The following SYT1 variants were observed in gnomAD, a reference collection of about 807,000 sequenced individuals.
SYT1 encodes synaptotagmin-1.
In SYT1, 8 loss-of-function variants were observed where a neutral mutation model predicts 44.8. That is an observed-to-expected ratio of 0.18 (90% CI 0.10 to 0.32). The LOEUF is 0.32. Ranked by LOEUF, SYT1 falls within the 10% of genes least tolerant of loss-of-function variation. The probability of loss-of-function intolerance (pLI) is 1.00; values close to 1 mark genes in which losing one functional copy is unlikely to be tolerated. For synonymous variants in SYT1, 154 were observed against 188.8 expected (o/e 0.82, Z 1.51); for missense variants, 286 against 509.3 (o/e 0.56, Z 4.22).
At position 79,095,029 on chromosome 12, in the gene SYT1, G is replaced by T. The variant is rs540934047; in HGVS notation, c.-18+47667G>T. 1.8e-4 allele frequency among the ~76,000 whole-genome samples: 27 copies of T among 151,818 alleles called. 1 individual carries two copies. Among genetic ancestry groups the T allele is most frequent in the Non-Finnish European group, 3.7e-4 (25 of 67,878 alleles). ...ATATTTGTGGGTCTCTCAACCTTTT[G>T]GTAGGCCACCCATACATGAGGGCCT... On this transcript the variant is annotated intron_variant, in intron 3 of 10. Transcript: ENST00000261205.
intron 1 of SYT1, among the ~76,000 whole-genome samples, chr12:78,942,010 T>C (rs1469357919): frequency 6.6e-6 from 1 of 152,254 alleles, no homozygotes; most frequent in Non-Finnish European, 1.5e-5. Flanking sequence ...TCTGGCTTAC[T>C]ATTTTCCTTT....
At chr12:79,066,679 A>G (rs191306809) in intron 3 of SYT1, among the ~76,000 whole-genome samples, 43 of 152,264 alleles carry the variant, frequency 2.8e-4, no homozygotes, top group Non-Finnish European at 3.1e-4. Flanking sequence ...AATAAATGAA[A>G]TAATATTGGT....
chr12:78,931,378 AAGGAAGGAAGGAAGGAAGGG>A (rs1877726744), intron 1 of SYT1, among the ~76,000 whole-genome samples: 1 of 98,666 alleles, frequency 1.0e-5, no homozygotes, highest in Non-Finnish European at 2.1e-5. Flanking sequence ...GGAAGGAAGG[AAGGAAGGAAGGAAGGAAGGG>A]AGGAGAGAGG....
chr12:78,950,936 G>C (rs1878931861), intron 1 of SYT1, among the ~76,000 whole-genome samples: 1 of 152,040 alleles, frequency 6.6e-6, no homozygotes, highest in Non-Finnish European at 1.5e-5. Context: ...CAGGAATGAT[G>C]GGTTTCTATA....
rs149153260 is a variant in SYT1 at position 79,450,593 on chromosome 12, G to A, written c.*1469G>A. ...TGCTCTGTGTAACACTGTGACTGCC[G>A]TGTGTGCTTAGACCCGTAGTTTCCT... On this transcript the variant is annotated 3_prime_UTR_variant, in exon 11 of 11. Coordinates refer to ENST00000261205, the MANE Select transcript of SYT1 (RefSeq NM_005639.3). 370 of 152,686 alleles carry A rather than the reference G, an allele frequency of 2.4e-3. 1 individual carries two copies. The highest frequency in any genetic ancestry group is 2.0e-3 in the Non-Finnish European group (139 of 68,036). The allele number at this position is 152,686 out of a possible 1,614,324, so 9.5% of individuals were successfully genotyped here.
chr12:79,137,058 A>AT lies in SYT1; in HGVS notation c.-17-80444dup, dbSNP rs534128917. On this transcript the variant is annotated intron_variant, in intron 3 of 10. Coordinates refer to ENST00000261205, the MANE Select transcript of SYT1 (RefSeq NM_005639.3). Reference sequence around the variant, plus strand: ...AGTTAGGTCTAACATTTATTATTCAATAAATTGATATGTTCCAAATACTAT... The same window carrying AT: ...AGTTAGGTCTAACATTTATTATTCAATTAAATTGATATGTTCCAAATACTAT... Among the ~76,000 whole-genome samples the AT allele has an allele frequency of 1.7e-3, 256 of 152,222 alleles. 1 individual carries two copies. The highest frequency in any genetic ancestry group is 5.5e-3 in the African/African-American group (228 of 41,528).
At chr12:79,289,312 A>G (rs1879458017) in intron 5 of SYT1, among the ~76,000 whole-genome samples, 2 of 152,156 alleles carry the variant, frequency 1.3e-5, no homozygotes, top group Non-Finnish European at 1.5e-5. Context: ...TTTTCTTCCG[A>G]ATTTTGTTCT....
intron 2 of SYT1, among the ~76,000 whole-genome samples, chr12:79,005,340 G>A (rs1871008279): frequency 1.3e-5 from 2 of 151,736 alleles, no homozygotes. Context: ...ACCCCCCATG[G>A]ATATTAAGAA....
intron 8 of SYT1, among the ~76,000 whole-genome samples, chr12:79,326,018 A>G (rs548954713): frequency 1.3e-5 from 2 of 152,204 alleles, no homozygotes; most frequent in Non-Finnish European, 1.5e-5. Context: ...TGATGGGGGG[A>G]AAATATACAA....
chr12:78,998,311 G>A (rs1191943492), intron 2 of SYT1, among the ~76,000 whole-genome samples: 1 of 152,180 alleles, frequency 6.6e-6, no homozygotes, highest in African/African-American at 2.4e-5. Flanking sequence ...GTCAGGATTT[G>A]ACATGAAACA....
At chr12:78,976,740 T>A (rs1364028137) in intron 1 of SYT1, 1 of 152,164 alleles carries the variant, frequency 6.6e-6, no homozygotes, top group Non-Finnish European at 1.5e-5. Context: ...ATTTTTTTTA[T>A]AATTTATTTA....
chr12:79,113,516 T>C (rs888838968), intron 3 of SYT1, among the ~76,000 whole-genome samples: 2 of 152,108 alleles, frequency 1.3e-5, no homozygotes, highest in Non-Finnish European at 2.9e-5. Context: ...AATTTGTGTA[T>C]TTTTTTCTTT....
intron 2 of SYT1, among the ~76,000 whole-genome samples, chr12:78,991,062 A>ATT (rs1869979451): frequency 6.6e-6 from 1 of 152,166 alleles, no homozygotes; most frequent in Non-Finnish European, 1.5e-5. Flanking sequence ...AAACAACAGC[A>ATT]TTTGTATTCT....
At chr12:78,997,728 G>A (rs1475585476) in intron 2 of SYT1, among the ~76,000 whole-genome samples, 1 of 151,700 alleles carries the variant, frequency 6.6e-6, no homozygotes, top group Admixed American at 6.6e-5. Context: ...GAGATGACGG[G>A]TAGGAAAGGC....
rs182764250 is a variant in SYT1 at position 79,076,719 on chromosome 12, G to A, written c.-18+29357G>A. Among the ~76,000 whole-genome samples the A allele has an allele frequency of 3.0e-3, 457 of 152,184 alleles. 1 individual carries two copies. Among genetic ancestry groups the A allele is most frequent in the Middle Eastern group, 0.014 (4 of 294 alleles). On this transcript the variant is annotated intron_variant, in intron 3 of 10. Coordinates refer to ENST00000261205, the MANE Select transcript of SYT1 (RefSeq NM_005639.3). Reference sequence around the variant, plus strand: ...ATTTTGGGAGGCCGAGGCAGGCAGGGATCACGAGGTTTTTGGGAGGATTTT... The same window carrying A: ...ATTTTGGGAGGCCGAGGCAGGCAGGAATCACGAGGTTTTTGGGAGGATTTT...
At chr12:78,885,636 G>A (rs928515704) in intron 1 of SYT1, among the ~76,000 whole-genome samples, 4 of 152,014 alleles carry the variant, frequency 2.6e-5, no homozygotes, top group African/African-American at 9.7e-5. Flanking sequence ...AGAAAGCAAG[G>A]CGTCCACGTG....
chr12:79,408,310 A>C (rs1166134278), intron 9 of SYT1, among the ~76,000 whole-genome samples: 1 of 152,172 alleles, frequency 6.6e-6, no homozygotes, highest in Non-Finnish European at 1.5e-5. Flanking sequence ...GAAATTGCTC[A>C]AATTGAAGGC....
At chr12:79,358,881 C>G (rs562674522) in intron 9 of SYT1, among the ~76,000 whole-genome samples, 13 of 152,202 alleles carry the variant, frequency 8.5e-5, no homozygotes, top group Admixed American at 7.8e-4. Flanking sequence ...AACTGTAAAC[C>G]CTTAAGGATA....
chr12:78,885,849 T>G (rs1224237637), intron 1 of SYT1, among the ~76,000 whole-genome samples: 1 of 152,002 alleles, frequency 6.6e-6, no homozygotes, highest in Non-Finnish European at 1.5e-5. Context: ...CTTGCTAGAA[T>G]AGACTGAATA....
Sources: gnomAD v4.1 joint callset for allele counts (sites outside exome capture counted in the v4.1 genomes callset) on GRCh38, gnomAD v4.1.1 for gene constraint, MANE v1.5 for transcripts, NCBI Gene and HGNC (gene_info 2026-07-23, HGNC 2026-07-21) for gene names.